ANO10: variants seen among roughly 807,000 people sequenced by gnomAD.
ANO10 encodes the protein anoctamin-10.
Under a neutral mutation model 74.7 loss-of-function variants are expected in ANO10, and 77 were observed. That is an observed-to-expected ratio of 1.03 (90% CI 0.86 to 1.25). The LOEUF (loss-of-function observed/expected upper bound fraction) is 1.25, where lower values mean the gene tolerates loss of function less well. ANO10 is among the 50% of genes most tolerant of loss of function. ANO10 has a pLI of 0.00. For synonymous variants in ANO10, 279 were observed against 284.9 expected (o/e 0.98, Z 0.21); for missense variants, 721 against 778.1 (o/e 0.93, Z 0.87).
At chr3:43,412,008 TATATATA>T (rs997856862) in intron 12 of ANO10, among the ~76,000 whole-genome samples, 10 of 148,088 alleles carry the variant, frequency 6.8e-5, no homozygotes, top group African/African-American at 2.4e-4. Context: ...AACATATTTA[TATATATA>T]ATATATATTT....
intron 1 of ANO10, among the ~76,000 whole-genome samples, chr3:43,686,710 C>A (rs1258199117): frequency 6.6e-6 from 1 of 152,170 alleles, no homozygotes; most frequent in East Asian, 1.9e-4. Context: ...GTCACACTAG[C>A]CAAATTTCAG....
chr3:43,422,348 C>A (rs2092832318), intron 12 of ANO10, among the ~76,000 whole-genome samples: 1 of 152,172 alleles, frequency 6.6e-6, no homozygotes, highest in Non-Finnish European at 1.5e-5. Flanking sequence ...AACTCCTGAC[C>A]TTGTGGTCCG....
At chr3:43,568,623 T>C (rs1387920953) in intron 7 of ANO10, among the ~76,000 whole-genome samples, 1 of 149,480 alleles carries the variant, frequency 6.7e-6, no homozygotes, top group African/African-American at 2.5e-5. Context: ...AATAAAGATG[T>C]TCTTTGAAAC....
chr3:43,545,201 C>T (rs2079129414), intron 11 of ANO10, among the ~76,000 whole-genome samples: 1 of 152,034 alleles, frequency 6.6e-6, no homozygotes, highest in African/African-American at 2.4e-5. Flanking sequence ...TAATATGCTA[C>T]TAGCAAAACT....
intron 12 of ANO10, among the ~76,000 whole-genome samples, chr3:43,425,200 CT>C (rs74270681): frequency 0.013 from 1,758 of 131,054 alleles, 7 homozygotes; most frequent in African/African-American, 0.02. Context: ...TTTACTGTAA[CT>C]TTTTTTTTTT....
At chr3:43,593,342 T>G (rs540221476) in intron 4 of ANO10, among the ~76,000 whole-genome samples, 1 of 152,230 alleles carries the variant, frequency 6.6e-6, no homozygotes, top group African/African-American at 2.4e-5. Context: ...GGAAAAAATG[T>G]TAAGGGTAGA....
intron 11 of ANO10, among the ~76,000 whole-genome samples, chr3:43,468,367 C>G (rs1324637825): frequency 6.6e-6 from 1 of 152,146 alleles, no homozygotes; most frequent in Non-Finnish European, 1.5e-5. Context: ...AAAACACTTT[C>G]CTGTAACAGA....
rs977470499 is a variant in ANO10, at chr3:43,536,781, G to GA, written c.1797+12938dup. 5.3e-5 allele frequency among the ~76,000 whole-genome samples: 8 copies of GA among 151,396 alleles called. No homozygotes were observed. The East Asian group carries it at 5.8e-4, about 11-fold the overall frequency. ...TTGCCTTGTTCTTAATTTTGAAAAAGAAAAAAAATCTACTTTTTTCATCTT... is the reference window on the plus strand; with the variant it reads ...TTGCCTTGTTCTTAATTTTGAAAAAGAAAAAAAAATCTACTTTTTTCATCTT... On this transcript the variant is annotated intron_variant, in intron 11 of 12. Coordinates refer to ENST00000292246, the MANE Select transcript of ANO10 (RefSeq NM_018075.5).
intron 11 of ANO10, among the ~76,000 whole-genome samples, chr3:43,448,829 GA>G (rs2074703440): frequency 6.6e-6 from 1 of 151,666 alleles, no homozygotes; most frequent in African/African-American, 2.4e-5. Flanking sequence ...TGAGCTATTG[GA>G]TTGTTTGTTT....
chr3:43,466,369 C>CAAAAAAAAA (rs36126977), intron 11 of ANO10, among the ~76,000 whole-genome samples: 3 of 45,380 alleles, frequency 6.6e-5, no homozygotes, highest in Non-Finnish European at 1.3e-4. Context: ...GACTCCATCT[C>CAAAAAAAAA]AAAAAAAAAA....
At chr3:43,678,684 G>A (rs562048586) in intron 1 of ANO10, among the ~76,000 whole-genome samples, 3 of 152,116 alleles carry the variant, frequency 2.0e-5, no homozygotes, top group Non-Finnish European at 4.4e-5. Context: ...AGGAATCTTC[G>A]AATGCCCCTG....
chr3:43,423,812 G>A (rs2092857069), intron 12 of ANO10, among the ~76,000 whole-genome samples: 1 of 152,182 alleles, frequency 6.6e-6, no homozygotes, highest in Admixed American at 6.5e-5. Context: ...ACTGGCACAT[G>A]CAAAAGGTTT....
At chr3:43,548,062 C>A (rs561208365) in intron 11 of ANO10, among the ~76,000 whole-genome samples, 1 of 152,290 alleles carries the variant, frequency 6.6e-6, no homozygotes, top group East Asian at 1.9e-4. Context: ...AAGAAATCTT[C>A]TAATAACCAA....
intron 2 of ANO10, among the ~76,000 whole-genome samples, chr3:43,601,717 T>C (rs191703946): frequency 7.3e-4 from 111 of 152,344 alleles, no homozygotes; most frequent in African/African-American, 2.6e-3. Flanking sequence ...AAAATACCAA[T>C]GGCTCTTAAA....
chr3:43,535,191 C>G (rs1392948715), intron 11 of ANO10, among the ~76,000 whole-genome samples: 4 of 150,954 alleles, frequency 2.6e-5, no homozygotes, highest in Non-Finnish European at 5.9e-5. Flanking sequence ...CCAGGCTGGT[C>G]TCAAACAAGT....
chr3:43,490,683 C>T (rs1314690829), intron 11 of ANO10, among the ~76,000 whole-genome samples: 1 of 152,190 alleles, frequency 6.6e-6, no homozygotes, highest in Admixed American at 6.5e-5. Flanking sequence ...ATTTCACTTA[C>T]AAATATTGAT....
At chr3:43,602,198 T>C (rs2082364228) in intron 2 of ANO10, among the ~76,000 whole-genome samples, 1 of 152,180 alleles carries the variant, frequency 6.6e-6, no homozygotes, top group Admixed American at 6.5e-5. Context: ...TTTCCACAAA[T>C]ATTTCTCTCA....
At chr3:43,474,523 A>G (rs1372264283) in intron 11 of ANO10, among the ~76,000 whole-genome samples, 1 of 152,200 alleles carries the variant, frequency 6.6e-6, no homozygotes, top group Non-Finnish European at 1.5e-5. Context: ...AGACATATTC[A>G]TTAACTTTGG....
chr3:43,675,485 T>C (rs1559396764), intron 1 of ANO10, among the ~76,000 whole-genome samples: 1 of 152,088 alleles, frequency 6.6e-6, no homozygotes, highest in African/African-American at 2.4e-5. Context: ...GCAAACTACA[T>C]ACCTGACAAA....
Sources: gnomAD v4.1 joint callset for allele counts (sites outside exome capture counted in the v4.1 genomes callset) on GRCh38, gnomAD v4.1.1 for gene constraint, MANE v1.5 for transcripts, NCBI Gene and HGNC (gene_info 2026-07-23, HGNC 2026-07-21) for gene names.